Variants in ABTB2 observed in about 807,000 individuals in gnomAD.
The protein encoded by ABTB2 is ankyrin repeat and BTB/POZ domain-containing protein 2.
Under a neutral mutation model 104.1 loss-of-function variants are expected in ABTB2, and 56 were observed. That is an observed-to-expected ratio of 0.54 (90% CI 0.43 to 0.67). The LOEUF (loss-of-function observed/expected upper bound fraction) is 0.67. Ranked by LOEUF, ABTB2 falls within the 30% of genes least tolerant of loss-of-function variation. The pLI is 0.00. For missense variants in ABTB2, 1,279 were observed against 1,407.7 expected, an observed-to-expected ratio of 0.91 and a Z score of 1.46; for synonymous variants, 606 against 608.2, an observed-to-expected ratio of 1.00 and a Z score of 0.05.
chr11:34,310,820 C>A (rs1854842569), intron 1 of ABTB2, among the ~76,000 whole-genome samples: 1 of 151,862 alleles, frequency 6.6e-6, no homozygotes, highest in Non-Finnish European at 1.5e-5. Flanking sequence ...CTGATGGTCA[C>A]CTGCATCTCA....
At chr11:34,225,227 C>T (rs113050747) in intron 1 of ABTB2, among the ~76,000 whole-genome samples, 253 of 152,332 alleles carry the variant, frequency 1.7e-3, no homozygotes, top group African/African-American at 5.6e-3. Context: ...ACTGCTCTGA[C>T]GCGTTAGAGC....
At chr11:34,311,532 C>G (rs547259188) in intron 1 of ABTB2, among the ~76,000 whole-genome samples, 2 of 152,236 alleles carry the variant, frequency 1.3e-5, no homozygotes, top group Non-Finnish European at 2.9e-5. Context: ...GAGCGCCTCA[C>G]GTAAATAGAA....
intron 1 of ABTB2, among the ~76,000 whole-genome samples, chr11:34,313,124 G>A (rs182582529): frequency 1.2e-3 from 190 of 152,356 alleles, no homozygotes; most frequent in Non-Finnish European, 2.2e-3. Flanking sequence ...ATAGCTCACT[G>A]TCAGTGGAAC....
chr11:34,191,802 G>A (rs1449515469), intron 3 of ABTB2, among the ~76,000 whole-genome samples: 1 of 152,128 alleles, frequency 6.6e-6, no homozygotes, highest in African/African-American at 2.4e-5. Flanking sequence ...AACAAGGTCC[G>A]CCCACTTCTG....
intron 1 of ABTB2, among the ~76,000 whole-genome samples, chr11:34,302,173 C>T (rs1170299654): frequency 6.6e-6 from 1 of 152,226 alleles, no homozygotes; most frequent in African/African-American, 2.4e-5. Context: ...AGTACAGCTA[C>T]AGTTTCTTGT....
chr11:34,160,424 G>C, intron 11 of ABTB2, 71 bp from the exon 12 acceptor site: 1 of 1,134,088 alleles, frequency 8.8e-7, no homozygotes, highest in South Asian at 1.3e-5. Flanking sequence ...AGATACGTCA[G>C]GCTAATTTCA....
At chr11:34,210,479 T>C (rs1853468221) in intron 1 of ABTB2, among the ~76,000 whole-genome samples, 1 of 152,250 alleles carries the variant, frequency 6.6e-6, no homozygotes, top group Non-Finnish European at 1.5e-5. Context: ...AAAGATGTCC[T>C]TTCTGTGTAA....
At position 34,329,626 on chromosome 11, in the gene ABTB2, C is replaced by A. The variant is rs193295289; in HGVS notation, c.883+27075G>T. Among the ~76,000 whole-genome samples, 317 of 152,336 alleles carry A rather than the reference C, an allele frequency of 2.1e-3. 2 individuals carry two copies. Among genetic ancestry groups the A allele is most frequent in the African/African-American group, 7.0e-3 (293 of 41,570 alleles). ...CTATCACAAGAAGCCAACTGGTCCCCTTTCCTACTCAGCTTCAAAGCTGAG... is the reference window on the plus strand; with the variant it reads ...CTATCACAAGAAGCCAACTGGTCCCATTTCCTACTCAGCTTCAAAGCTGAG... On this transcript the variant is annotated intron_variant, in intron 1 of 16. Transcript: ENST00000435224.
Position 34,159,150 on chromosome 11 carries a change from G to C in ABTB2, c.2697+146C>G, listed in dbSNP as rs537405731. 3.5e-5 allele frequency: 23 copies of C among 654,938 alleles called. No individual in the cohort carries two copies. The South Asian group carries it at 4.1e-4, about 12-fold the overall frequency. 40.6% of individuals were successfully genotyped at this position (654,938 alleles called of 1,614,324 possible). A position where few individuals can be genotyped will look rare whatever the true frequency, so the allele number is the denominator to read the frequency against. ...GGATGGCTACCTCTGCACAGGGAAA[G>C]ACCTGGATGCTCTATTCATTCAACA... is the stretch of plus-strand genomic sequence containing the variant. On this transcript the variant is annotated intron_variant, in intron 14 of 16. Coordinates refer to ENST00000435224, the MANE Select transcript of ABTB2 (RefSeq NM_145804.3).
chr11:34,266,591 CACA>C (rs1854253865), intron 1 of ABTB2, among the ~76,000 whole-genome samples: 5 of 152,146 alleles, frequency 3.3e-5, no homozygotes, highest in Admixed American at 2.6e-4. Flanking sequence ...ATCTAAAAAC[CACA>C]ACATCTCCTC....
chr11:34,197,556 G>C lies in ABTB2; in HGVS notation c.1031-18C>G. ...CAAGTCACCTGGTGGGGGGCGGGGA[G>C]GGCAGAGGGGAGGAAGAGAAAAAAA... On this transcript the variant is annotated intron_variant, in intron 2 of 16. Coordinates refer to ENST00000435224, the MANE Select transcript of ABTB2 (RefSeq NM_145804.3). The C allele has an allele frequency of 2.7e-6, 4 of 1,503,256 alleles. No homozygotes were observed. The highest frequency in any genetic ancestry group is 3.6e-6 in the Non-Finnish European group (4 of 1,113,372). The allele number at this position is 1,503,256 out of a possible 1,614,324, so 93.1% of individuals were successfully genotyped here.
At chr11:34,350,055 A>T (rs1190382157) in intron 1 of ABTB2, among the ~76,000 whole-genome samples, 1 of 152,186 alleles carries the variant, frequency 6.6e-6, no homozygotes, top group African/African-American at 2.4e-5. Context: ...CAGTAGAGGA[A>T]ATAGAAACAT....
intron 1 of ABTB2, among the ~76,000 whole-genome samples, chr11:34,253,978 G>T (rs952086361): frequency 1.3e-5 from 2 of 152,150 alleles, no homozygotes; most frequent in Non-Finnish European, 2.9e-5. Flanking sequence ...GAGAGCACTG[G>T]CCATGTAGAT....
intron 10 of ABTB2, 32 bp from the exon 11 acceptor site, chr11:34,161,113 G>A (rs369634146): frequency 1.1e-4 from 166 of 1,573,080 alleles, no homozygotes; most frequent in Non-Finnish European, 1.3e-4. Context: ...AGGCAGTCAC[G>A]CACCACAGCT....
chr11:34,312,720 A>G (rs1233752519), intron 1 of ABTB2, among the ~76,000 whole-genome samples: 1 of 152,096 alleles, frequency 6.6e-6, no homozygotes, highest in Non-Finnish European at 1.5e-5. Flanking sequence ...CTCTTTTTGG[A>G]GACAGGGTCC....
chr11:34,167,465 G>T, intron 6 of ABTB2, 105 bp from the exon 7 acceptor site: 1 of 918,182 alleles, frequency 1.1e-6, no homozygotes, highest in Non-Finnish European at 1.7e-6. Flanking sequence ...ACATTCGATT[G>T]ATAATGTTTG....
rs75695217 is a variant in ABTB2, at chr11:34,161,263, A to G, written c.2219-182T>C. ...GTGGCCCTCTCAGGATGGCCATAGA[A>G]TGAAAGCTTTAATTCATTCTAATAG... On this transcript the variant is annotated intron_variant, in intron 10 of 16. Coordinates refer to ENST00000435224, the MANE Select transcript of ABTB2 (RefSeq NM_145804.3). Among the ~76,000 whole-genome samples, 736 of 152,208 alleles carry G rather than the reference A, an allele frequency of 4.8e-3. 5 individuals are homozygous for G. The highest frequency in any genetic ancestry group is 0.017 in the Middle Eastern group (5 of 294).
Position 34,204,636 on chromosome 11 carries a change from T to C in ABTB2, c.938A>G (p.His313Arg). The C allele has an allele frequency of 1.2e-6, 2 of 1,612,134 alleles. No individual in the cohort carries two copies. The highest frequency in any genetic ancestry group is 1.1e-5 in the South Asian group (1 of 90,990). The change falls in exon 2 of 17, where the codon CAT becomes CGT. Residue 313 changes from histidine (H) to arginine (R), a missense_variant. Coordinates refer to ENST00000435224, the MANE Select transcript of ABTB2 (RefSeq NM_145804.3). ...FSPYNGGSLGHDERADAYAQL... is the reference protein window; with the variant it reads ...FSPYNGGSLGRDERADAYAQL... ...GGCATAGGCATCGGCTCGCTCGTCATGGCCCAGGGACCCGCCGTTGTAGGG... is the reference window on the plus strand; with the variant it reads ...GGCATAGGCATCGGCTCGCTCGTCACGGCCCAGGGACCCGCCGTTGTAGGG...
chr11:34,245,424 A>G (rs1488100717), intron 1 of ABTB2, among the ~76,000 whole-genome samples: 4 of 152,158 alleles, frequency 2.6e-5, no homozygotes, highest in African/African-American at 4.8e-5. Context: ...GCATCTTTCT[A>G]TGGAAGCCGA....
Sources: gnomAD v4.1 joint callset for allele counts (sites outside exome capture counted in the v4.1 genomes callset) on GRCh38, gnomAD v4.1.1 for gene constraint, MANE v1.5 for transcripts, NCBI Gene and HGNC (gene_info 2026-07-23, HGNC 2026-07-21) for gene names.